Variants in TBC1D5 observed in about 807,000 individuals in gnomAD.
TBC1D5 encodes the protein TBC1 domain family, member 5.
In TBC1D5, 75 loss-of-function variants were observed where a neutral mutation model predicts 100.3. That is an observed-to-expected ratio of 0.75 (90% CI 0.62 to 0.91). The LOEUF is 0.91. Ranked by LOEUF, TBC1D5 falls within the 40% of genes least tolerant of loss-of-function variation. TBC1D5 has a pLI of 0.00. For synonymous variants in TBC1D5, 323 were observed against 325.6 expected (o/e 0.99, Z 0.09); for missense variants, 910 against 942.4 (o/e 0.97, Z 0.45).
intron 2 of TBC1D5, among the ~76,000 whole-genome samples, chr3:17,552,676 A>G (rs894030609): frequency 6.6e-6 from 1 of 152,154 alleles, no homozygotes; most frequent in Admixed American, 6.5e-5. Context: ...GCTAATAGCT[A>G]TGATAAAAAT....
At chr3:17,241,429 G>A (rs1559474250) in intron 16 of TBC1D5, among the ~76,000 whole-genome samples, 1 of 152,160 alleles carries the variant, frequency 6.6e-6, no homozygotes, top group Non-Finnish European at 1.5e-5. Context: ...GGAATTTGGA[G>A]TTAACAAGAC....
In TBC1D5 at chr3:17,279,418, T is replaced by G. The variant is rs189557830; in HGVS notation, c.1245+12477A>C. Among the ~76,000 whole-genome samples the G allele has an allele frequency of 6.2e-4, 94 of 152,306 alleles. No individual in the cohort carries two copies. The East Asian group carries it at 9.6e-3, about 16-fold the overall frequency. On this transcript the variant is annotated intron_variant, in intron 15 of 21. Coordinates refer to ENST00000253692, the Ensembl canonical transcript of TBC1D5. Reference sequence around the variant, plus strand: ...TTGTATGCTGCAGTCCCCTTTCCCTTAAGAGACCTCAGAGGTGATCGCTCA... The same window carrying G: ...TTGTATGCTGCAGTCCCCTTTCCCTGAAGAGACCTCAGAGGTGATCGCTCA...
intron 3 of TBC1D5, among the ~76,000 whole-genome samples, chr3:17,443,136 C>T (rs908925429): frequency 1.3e-5 from 2 of 152,172 alleles, no homozygotes; most frequent in Non-Finnish European, 2.9e-5. Flanking sequence ...CCCAGAGATG[C>T]TCCAGGCATT....
At chr3:17,649,112 T>C (rs1336460958) in intron 1 of TBC1D5, among the ~76,000 whole-genome samples, 1 of 151,904 alleles carries the variant, frequency 6.6e-6, no homozygotes, top group African/African-American at 2.4e-5. Flanking sequence ...ATAAAGAAAA[T>C]ATGGTACATA....
At chr3:17,439,960 C>A (rs1042978181) in intron 3 of TBC1D5, among the ~76,000 whole-genome samples, 1 of 152,092 alleles carries the variant, frequency 6.6e-6, no homozygotes. Flanking sequence ...TTTTGTAATT[C>A]AAACTTTGTC....
intron 1 of TBC1D5, among the ~76,000 whole-genome samples, chr3:17,733,000 G>C (rs908239971): frequency 1.3e-5 from 2 of 152,120 alleles, no homozygotes; most frequent in Non-Finnish European, 2.9e-5. Flanking sequence ...AAAGCATATA[G>C]TACTCCTGAT....
At chr3:17,305,006 C>T (rs2083265869) in intron 14 of TBC1D5, among the ~76,000 whole-genome samples, 1 of 152,122 alleles carries the variant, frequency 6.6e-6, no homozygotes, top group Non-Finnish European at 1.5e-5. Flanking sequence ...AAACCAACAA[C>T]AAAAAGCTGA....
intron 3 of TBC1D5, among the ~76,000 whole-genome samples, chr3:17,467,128 T>C (rs991638519): frequency 6.6e-6 from 1 of 152,022 alleles, no homozygotes. Flanking sequence ...ATTATAAATG[T>C]TTTGTTTTAC....
chr3:17,406,770 C>T, intron 4 of TBC1D5: 1 of 431,546 alleles, frequency 2.3e-6, no homozygotes, highest in Non-Finnish European at 4.1e-6. Context: ...TCTATGGAGG[C>T]TATTCCATTT....
At chr3:17,283,620 T>C (rs1042342272) in intron 15 of TBC1D5, among the ~76,000 whole-genome samples, 5 of 152,120 alleles carry the variant, frequency 3.3e-5, no homozygotes, top group African/African-American at 1.2e-4. Flanking sequence ...AGGGAGAAAT[T>C]CATTTAAGAC....
chr3:17,191,108 A>G (rs1477861172), intron 18 of TBC1D5, among the ~76,000 whole-genome samples: 2 of 152,212 alleles, frequency 1.3e-5, no homozygotes, highest in Non-Finnish European at 2.9e-5. Context: ...ACTTTTTAAG[A>G]GTATTAAAAT....
intron 1 of TBC1D5, among the ~76,000 whole-genome samples, chr3:17,709,785 C>CT (rs1374866942): frequency 6.6e-6 from 1 of 152,068 alleles, no homozygotes; most frequent in Non-Finnish European, 1.5e-5. Flanking sequence ...ATAGGAGTTG[C>CT]TGTTGCTCTG....
chr3:17,738,401 ACTCT>A (rs371022003), intron 1 of TBC1D5, among the ~76,000 whole-genome samples: 39 of 149,496 alleles, frequency 2.6e-4, no homozygotes, highest in African/African-American at 5.4e-4. Flanking sequence ...ACACACACAC[ACTCT>A]CTCTCTCTCT....
chr3:17,585,648 A>C (rs961277976), intron 2 of TBC1D5, among the ~76,000 whole-genome samples: 43 of 152,230 alleles, frequency 2.8e-4, no homozygotes, highest in African/African-American at 9.6e-4. Flanking sequence ...TTACTCTCCC[A>C]ACAAATCAGT....
At chr3:17,308,166 C>T (rs750133907) in intron 13 of TBC1D5, 32 bp from the exon 14 acceptor site, 2 of 1,554,094 alleles carry the variant, frequency 1.3e-6, no homozygotes, top group Non-Finnish European at 8.6e-7. Context: ...ATTCAGAAGA[C>T]AGTACTTTTG....
chr3:17,454,431 C>T (rs530914401), intron 3 of TBC1D5, among the ~76,000 whole-genome samples: 16 of 152,042 alleles, frequency 1.1e-4, no homozygotes, highest in Non-Finnish European at 1.8e-4. Context: ...TTGCAGGATA[C>T]AAAATCAACA....
rs538639199 is a variant in TBC1D5 at position 17,710,109 on chromosome 3, T to C, written c.-101+29234A>G. Among the ~76,000 whole-genome samples, 5 of 152,088 alleles carry C rather than the reference T, an allele frequency of 3.3e-5. No homozygotes were observed. In the South Asian group the frequency reaches 8.3e-4, roughly 25 times the overall value. ...CAACTATATACAATGATCAAAGCAG[T>C]GTTTTAGGAAGATTAATCCAGTATC... On this transcript the variant is annotated intron_variant, in intron 1 of 21. Coordinates refer to ENST00000253692, the Ensembl canonical transcript of TBC1D5.
At chr3:17,722,637 C>T (rs1306224293) in intron 1 of TBC1D5, among the ~76,000 whole-genome samples, 1 of 152,210 alleles carries the variant, frequency 6.6e-6, no homozygotes, top group Non-Finnish European at 1.5e-5. Flanking sequence ...GTCCTCAGTG[C>T]CTTTTACAAA....
intron 13 of TBC1D5, among the ~76,000 whole-genome samples, chr3:17,310,821 T>C (rs1230761725): frequency 5.3e-5 from 8 of 152,058 alleles, no homozygotes; most frequent in Non-Finnish European, 5.9e-5. Context: ...TTCTATTTTA[T>C]ATATAATTAT....
Sources: gnomAD v4.1 joint callset for allele counts (sites outside exome capture counted in the v4.1 genomes callset) on GRCh38, gnomAD v4.1.1 for gene constraint, MANE v1.5 for transcripts, NCBI Gene and HGNC (gene_info 2026-07-23, HGNC 2026-07-21) for gene names.